The following RAB11FIP5 variants were observed in gnomAD, a reference collection of about 807,000 sequenced individuals.
The protein encoded by RAB11FIP5 is RAB11 family interacting protein 5, also known as rab11 family-interacting protein 5.
A neutral mutation model predicts 85.1 loss-of-function variants in RAB11FIP5; 48 were observed. The ratio of observed to expected loss-of-function variants is 0.56; its 90% CI spans 0.45 to 0.72. The LOEUF (loss-of-function observed/expected upper bound fraction) is 0.72, where lower values mean the gene tolerates loss of function less well. RAB11FIP5 is among the 30% of genes least tolerant of loss of function. RAB11FIP5 has a pLI of 0.00. For synonymous variants in RAB11FIP5, 729 were observed against 727.3 expected (o/e 1.00, Z -0.04); for missense variants, 1,491 against 1,687.0 (o/e 0.88, Z 2.04).
intron 1 of RAB11FIP5, among the ~76,000 whole-genome samples, chr2:73,094,903 G>A (rs988705618): frequency 1.3e-5 from 2 of 151,784 alleles, no homozygotes; most frequent in African/African-American, 4.8e-5. Context: ...GAAATTAAGA[G>A]TGTTAAGATG....
At position 73,080,619 on chromosome 2, in the gene RAB11FIP5, G is replaced by T. The variant is rs752595277; in HGVS notation, c.2613C>A (p.Ser871Arg). The change falls in exon 4 of 6, where the codon AGC (serine) becomes AGA (arginine). Residue 871 changes from serine (S) to arginine (R), a missense_variant. By Grantham distance (110) the Ser-to-Arg change is moderately radical. Transcript: ENST00000486777. ...QVQPESPETV[S>R]PKGSEGLPPP... ...GGGGAAGCCCCTCGCTCCCCTTGGG[G>T]CTCACAGTTTCTGGTGATTCAGGCT... The T allele has an allele frequency of 8.9e-6, 11 of 1,232,238 alleles. No homozygotes were observed. Among genetic ancestry groups the T allele is most frequent in the Middle Eastern group, 3.1e-4 (1 of 3,232 alleles). 76.3% of individuals were successfully genotyped at this position (1,232,238 alleles called of 1,614,324 possible).
chr2:73,080,648 C>T lies in RAB11FIP5; in HGVS notation c.2584G>A (p.Val862Met). The change falls in exon 4 of 6, where the codon GTG (valine) becomes ATG (methionine). Residue 862 changes from valine (V) to methionine (M), a missense_variant. Transcript: ENST00000486777. ...ACAGTTTCTGGTGATTCAGGCTGCACCTGGGGAGCAGGCTCATCAGACTCT... is the reference window on the plus strand; with the variant it reads ...ACAGTTTCTGGTGATTCAGGCTGCATCTGGGGAGCAGGCTCATCAGACTCT... ...RGESDEPAPQVQPESPETVSP... is the reference protein window; with the variant it reads ...RGESDEPAPQMQPESPETVSP... 2 of 1,232,410 alleles carry T rather than the reference C, an allele frequency of 1.6e-6. No homozygotes were observed. Among genetic ancestry groups the T allele is most frequent in the South Asian group, 4.1e-5 (1 of 24,316 alleles). The allele number at this position is 1,232,410 out of a possible 1,614,324, so 76.3% of individuals were successfully genotyped here.
intron 3 of RAB11FIP5, among the ~76,000 whole-genome samples, chr2:73,085,990 A>G (rs1034321746): frequency 6.6e-6 from 1 of 152,176 alleles, no homozygotes; most frequent in Non-Finnish European, 1.5e-5. Flanking sequence ...GCCATGAGGC[A>G]GCCCACCTCT....
chr2:73,104,567 C>CA (rs1268247006), intron 1 of RAB11FIP5, among the ~76,000 whole-genome samples: 5 of 152,088 alleles, frequency 3.3e-5, no homozygotes, highest in Non-Finnish European at 5.9e-5. Context: ...GACTCTGTCT[C>CA]AAAAAACAAA....
chr2:73,108,847 C>G lies in RAB11FIP5; in HGVS notation c.431+3500G>C, dbSNP rs150305739. On this transcript the variant is annotated intron_variant, in intron 1 of 5. Transcript: ENST00000486777. Reference sequence around the variant, plus strand: ...TCACCTGAGGTCAGGAGTTTGAGAACAGCCTGGCCAACATGGCAAAACCCA... The same window carrying G: ...TCACCTGAGGTCAGGAGTTTGAGAAGAGCCTGGCCAACATGGCAAAACCCA... Among the ~76,000 whole-genome samples the G allele has an allele frequency of 1.3e-3, 196 of 152,264 alleles. 1 individual carries two copies. The highest frequency in any genetic ancestry group is 4.4e-3 in the African/African-American group (181 of 41,546).
intron 1 of RAB11FIP5, among the ~76,000 whole-genome samples, chr2:73,104,762 A>G (rs1684491630): frequency 1.3e-5 from 2 of 151,968 alleles, no homozygotes; most frequent in Admixed American, 1.3e-4. Context: ...TCAAGGCCTC[A>G]CCTCTCCCAA....
At chr2:73,082,792 T>C (rs977054669) in intron 3 of RAB11FIP5, among the ~76,000 whole-genome samples, 4 of 152,162 alleles carry the variant, frequency 2.6e-5, no homozygotes, top group African/African-American at 9.7e-5. Flanking sequence ...CTGGTGCTTA[T>C]CCACAGAGTG....
At chr2:73,103,767 T>C (rs953730889) in intron 1 of RAB11FIP5, among the ~76,000 whole-genome samples, 1 of 152,154 alleles carries the variant, frequency 6.6e-6, no homozygotes, top group South Asian at 2.1e-4. Flanking sequence ...CAGCCCCATA[T>C]AAGTGAGGTG....
rs1335360536 is a variant in RAB11FIP5 at position 73,112,574 on chromosome 2, C to T, written c.204G>A (p.Glu68=). The T allele has an allele frequency of 1.3e-6, 2 of 1,591,312 alleles. No homozygotes were observed. Among genetic ancestry groups the T allele is most frequent in the Non-Finnish European group, 1.7e-6 (2 of 1,170,904 alleles). The change falls in exon 1 of 6, where the codon GAG becomes GAA. Residue 68 remains glutamate, a synonymous_variant. Transcript: ENST00000486777. ...SVVEKTHGCP[E]WREECSFELP... is the part of the protein sequence containing the mutation. ...GCTCGAAGGAGCACTCCTCACGCCACTCGGGGCAGCCGTGCGTCTTCTCCA... is the reference window on the plus strand; with the variant it reads ...GCTCGAAGGAGCACTCCTCACGCCATTCGGGGCAGCCGTGCGTCTTCTCCA...
chr2:73,099,115 T>G (rs1477171363), intron 1 of RAB11FIP5, among the ~76,000 whole-genome samples: 1 of 150,754 alleles, frequency 6.6e-6, no homozygotes, highest in African/African-American at 2.4e-5. Flanking sequence ...AATGGCACAG[T>G]CTCGGCTCAC....
intron 1 of RAB11FIP5, among the ~76,000 whole-genome samples, chr2:73,110,881 G>A (rs1273444480): frequency 1.3e-5 from 2 of 152,104 alleles, no homozygotes; most frequent in African/African-American, 2.4e-5. Flanking sequence ...CTGGGGGAAG[G>A]GGTGGAATGA....
In RAB11FIP5 at chr2:73,112,946, G is replaced by T. The variant is rs1259580457; in HGVS notation, c.-169C>A. ...CGCCGCCTCCCCGCCTCACCGGGCC[G>T]CTGGCCGCGGGCCGCGCCGCGACGT... On this transcript the variant is annotated 5_prime_UTR_variant, in exon 1 of 6. Coordinates refer to ENST00000486777, the MANE Select transcript of RAB11FIP5 (RefSeq NM_001371272.1). 5.7e-6 allele frequency: 2 copies of T among 353,440 alleles called. No individual in the cohort carries two copies. The highest frequency in any genetic ancestry group is 8.2e-6 in the Non-Finnish European group (2 of 243,744). The allele number at this position is 353,440 out of a possible 1,614,324, so 21.9% of individuals were successfully genotyped here.
At position 73,089,647 on chromosome 2, in the gene RAB11FIP5, C is replaced by A; in HGVS notation, c.432-332G>T. ...GAGACCTCTCCTCTGCCCCATCTCC[C>A]CTACATCTGAAACTCTGAGGCCCAG... On this transcript the variant is annotated intron_variant, in intron 1 of 5. Transcript: ENST00000486777. The surrounding 1 kb of genome is among the most constrained non-coding windows in gnomAD (Gnocchi z 4.6). The A allele has an allele frequency of 2.5e-6, 1 of 405,372 alleles. No individual in the cohort carries two copies. Among genetic ancestry groups the A allele is most frequent in the Non-Finnish European group, 4.7e-6 (1 of 213,848 alleles). The allele number at this position is 405,372 out of a possible 1,614,324, so 25.1% of individuals were successfully genotyped here.
At chr2:73,101,777 G>A (rs561511353) in intron 1 of RAB11FIP5, among the ~76,000 whole-genome samples, 12 of 152,250 alleles carry the variant, frequency 7.9e-5, no homozygotes, top group African/African-American at 1.7e-4. Context: ...TGACAGCCCC[G>A]CATGGGATCC....
In RAB11FIP5 at chr2:73,075,845, T is replaced by G; in HGVS notation, c.3772-121A>C. ...GTTTCACCACCACAGGGCCCCAGGC[T>G]GCCTGTCTCCAAAGTCAGAGCCTAA... On this transcript the variant is annotated intron_variant, in intron 5 of 5. Coordinates refer to ENST00000486777, the MANE Select transcript of RAB11FIP5 (RefSeq NM_001371272.1). This position sits in a 1 kb window ranked among gnomAD's most constrained non-coding sequence, Gnocchi z 4.6. The G allele has an allele frequency of 6.9e-7, 1 of 1,450,730 alleles. No homozygotes were observed. The highest frequency in any genetic ancestry group is 9.4e-7 in the Non-Finnish European group (1 of 1,065,106). The allele number at this position is 1,450,730 out of a possible 1,614,324, so 89.9% of individuals were successfully genotyped here.
At chr2:73,092,773 A>G (rs1378586394) in intron 1 of RAB11FIP5, among the ~76,000 whole-genome samples, 2 of 152,212 alleles carry the variant, frequency 1.3e-5, no homozygotes, top group Admixed American at 6.5e-5. Context: ...CATCCAGAGC[A>G]CAGTGAAATG....
In RAB11FIP5 at chr2:73,081,492, G is replaced by GGCGGCA. The variant is rs1683983145; in HGVS notation, c.1734_1739dup (p.Ala579_Ala580dup). ...GGGTGGCTTCAGGGGCGGCGGTGGT[G>GGCGGCA]GCGGCAGCGGCAGCAGTGGCAGCAG... is the stretch of plus-strand genomic sequence containing the variant. On this transcript the variant is annotated inframe_insertion, in exon 4 of 6. Coordinates refer to ENST00000486777, the MANE Select transcript of RAB11FIP5 (RefSeq NM_001371272.1). This position sits in a 1 kb window ranked among gnomAD's most constrained non-coding sequence, Gnocchi z 4.2. 6.5e-6 allele frequency: 8 copies of GGCGGCA among 1,234,698 alleles called. No individual in the cohort carries two copies. The highest frequency in any genetic ancestry group is 6.3e-5 in the East Asian group (2 of 31,788). 76.5% of individuals were successfully genotyped at this position (1,234,698 alleles called of 1,614,324 possible).
intron 1 of RAB11FIP5, among the ~76,000 whole-genome samples, chr2:73,103,096 C>T (rs983062383): frequency 6.6e-6 from 1 of 152,204 alleles, no homozygotes; most frequent in Non-Finnish European, 1.5e-5. Flanking sequence ...CCAACCCCTG[C>T]TGTCTCCCCG....
At chr2:73,082,172 G>T (rs533656084) in intron 3 of RAB11FIP5, among the ~76,000 whole-genome samples, 4 of 151,538 alleles carry the variant, frequency 2.6e-5, no homozygotes, top group South Asian at 2.1e-4. Context: ...CACCACACCT[G>T]AATAATTTTT....
Sources: allele counts gnomAD v4.1 joint callset (sites outside exome capture counted in the v4.1 genomes callset), GRCh38; gene constraint gnomAD v4.1.1; non-coding constraint Gnocchi (gnomAD v3.1); transcripts MANE v1.5; gene names NCBI Gene and HGNC (gene_info 2026-07-23, HGNC 2026-07-21).